ATP7B: variants seen among roughly 807,000 people sequenced by gnomAD.
ATP7B encodes the protein copper-transporting ATPase 2.
Under a neutral mutation model 118.9 loss-of-function variants are expected in ATP7B, and 113 were observed. That is an observed-to-expected ratio of 0.95 (90% CI 0.82 to 1.11). ATP7B has a LOEUF of 1.11. Ranked by LOEUF, ATP7B falls within the 50% of genes most tolerant of loss-of-function variation. The pLI, the probability that ATP7B is intolerant of heterozygous loss-of-function variation, is 0.00. For synonymous variants in ATP7B, 777 were observed against 727.4 expected, an observed-to-expected ratio of 1.07 and a Z score of -1.10; for missense variants, 1,867 against 1,871.4, an observed-to-expected ratio of 1.00 and a Z score of 0.04.
chr13:51,969,496 A>G (rs1387466302), intron 3 of ATP7B, among the ~76,000 whole-genome samples: 1 of 152,158 alleles, frequency 6.6e-6, no homozygotes, highest in Non-Finnish European at 1.5e-5. Context: ...AGAATTTTCA[A>G]AAGTGGTTTT....
Position 51,964,949 on chromosome 13 carries a change from C to A in ATP7B, c.1792G>T (p.Ala598Ser), listed in dbSNP as rs772899995. The change falls in exon 5 of 21, where the codon GCC becomes TCC. Residue 598 changes from alanine to serine, a missense_variant. Coordinates refer to ENST00000242839, the MANE Select transcript of ATP7B (RefSeq NM_000053.4). ...RTNGITYASV[A>S]LATSKALVKF... Reference sequence around the variant, plus strand: ...ACAAGGGCTTTGCTGGTGGCAAGGGCAACGGAGGCATAAGTGATGCCATTT... The same window carrying A: ...ACAAGGGCTTTGCTGGTGGCAAGGGAAACGGAGGCATAAGTGATGCCATTT... 2 of 1,614,126 alleles carry A rather than the reference C, an allele frequency of 1.2e-6. No homozygotes were observed. Among genetic ancestry groups the A allele is most frequent in the Non-Finnish European group, 1.7e-6 (2 of 1,180,026 alleles).
rs564351066 is a variant in ATP7B at position 51,964,403 on chromosome 13, G to A, written c.1869+469C>T. Among the ~76,000 whole-genome samples, 7 of 152,330 alleles carry A rather than the reference G, an allele frequency of 4.6e-5. 1 individual carries two copies. In the South Asian group the frequency reaches 1.4e-3, roughly 32 times the overall value. ...AGGGAGTAAGAGGCAGGGCACGCAT[G>A]AAAATTCTCACGGATTTTCCAAAGC... On this transcript the variant is annotated intron_variant, in intron 5 of 20. Coordinates refer to ENST00000242839, the MANE Select transcript of ATP7B (RefSeq NM_000053.4).
chr13:51,946,128 T>C (rs1197039147), intron 13 of ATP7B, among the ~76,000 whole-genome samples, 156 bp downstream of exon 13: 1 of 152,246 alleles, frequency 6.6e-6, no homozygotes, highest in Admixed American at 6.5e-5. Flanking sequence ...GGCTACTCTG[T>C]TGCTACTGTT....
chr13:51,976,576 T>C (rs1192683025), intron 1 of ATP7B, among the ~76,000 whole-genome samples: 3 of 152,206 alleles, frequency 2.0e-5, no homozygotes, highest in Non-Finnish European at 4.4e-5. Flanking sequence ...TTCTGAGAAA[T>C]GAGTCATCAT....
chr13:51,941,374 C>CA (rs377284993), intron 15 of ATP7B, 150 bp from the exon 16 acceptor site: 37,101 of 606,192 alleles, frequency 0.061, 9 homozygotes, highest in Middle Eastern at 0.067. Context: ...TCCTTTAGGA[C>CA]AAAAAAAAAA....
chr13:52,004,783 C>A (rs755281633), intron 1 of ATP7B, among the ~76,000 whole-genome samples: 67 of 152,298 alleles, frequency 4.4e-4, no homozygotes, highest in Non-Finnish European at 9.3e-4. Flanking sequence ...GATGGTACTG[C>A]CCTAGTGGGG....
intron 4 of ATP7B, among the ~76,000 whole-genome samples, chr13:51,966,234 G>A (rs1049819923): frequency 1.3e-5 from 2 of 152,168 alleles, no homozygotes; most frequent in Admixed American, 6.5e-5. Flanking sequence ...TCTCAAAACC[G>A]CAGTACTGAG....
chr13:51,950,911 A>C (rs929907434), intron 9 of ATP7B, among the ~76,000 whole-genome samples: 4 of 152,152 alleles, frequency 2.6e-5, no homozygotes, highest in East Asian at 1.9e-4. Context: ...AAACAGCAAG[A>C]AAGCAAGCAA....
rs761888673 is a variant in ATP7B, at chr13:51,974,299, G to A, written c.921C>T (p.Ser307=). Residue 307 remains serine (S), a synonymous_variant, in exon 2 of 21, where the codon AGC becomes AGT. Coordinates refer to ENST00000242839, the MANE Select transcript of ATP7B (RefSeq NM_000053.4). ...CGATAGCCCTCTGCAGAGCCACTGG[G>A]CTGGTACAAGAAGGGTCATACTTTA... ...AQVKYDPSCT[S]PVALQRAIEA... is the part of the protein sequence containing the mutation. The A allele has an allele frequency of 1.1e-5, 18 of 1,614,166 alleles. No individual in the cohort carries two copies. Among genetic ancestry groups the A allele is most frequent in the Non-Finnish European group, 1.5e-5 (18 of 1,180,028 alleles).
At chr13:51,991,508 CA>C (rs952337361) in intron 1 of ATP7B, among the ~76,000 whole-genome samples, 2 of 150,332 alleles carry the variant, frequency 1.3e-5, no homozygotes, top group Non-Finnish European at 3.0e-5. Flanking sequence ...AAAAAACAAA[CA>C]AAAAAAAACA....
At chr13:52,002,723 G>C (rs1168131244) in intron 1 of ATP7B, among the ~76,000 whole-genome samples, 1 of 152,046 alleles carries the variant, frequency 6.6e-6, no homozygotes, top group Admixed American at 6.5e-5. Context: ...CCATGGGTTT[G>C]GTTCTAGATC....
chr13:51,954,804 G>C (rs1958232313), intron 9 of ATP7B, among the ~76,000 whole-genome samples: 1 of 152,218 alleles, frequency 6.6e-6, no homozygotes, highest in African/African-American at 2.4e-5. Flanking sequence ...ACTCCAACCA[G>C]CAGGTAGTCT....
At chr13:51,969,470 T>C (rs1405704367) in intron 3 of ATP7B, among the ~76,000 whole-genome samples, 1 of 151,646 alleles carries the variant, frequency 6.6e-6, no homozygotes, top group Non-Finnish European at 1.5e-5. Context: ...GATACTTTCA[T>C]ACAAGGAAAA....
rs2138417975 is a variant in ATP7B, at chr13:51,935,038, C to T, written c.4125-9G>A. 1.2e-6 allele frequency: 2 copies of T among 1,613,722 alleles called. No individual in the cohort carries two copies. Among genetic ancestry groups the T allele is most frequent in the Non-Finnish European group, 1.7e-6 (2 of 1,180,012 alleles). On this transcript the variant is annotated splice_polypyrimidine_tract_variant and intron_variant, in intron 20 of 20. Transcript: ENST00000242839. ...GGTCAGGCTTCTTATAGCTGGAAAG[C>T]AGGAACGCAACAGCATCTGAGCCAT...
At chr13:51,989,954 A>G (rs558466594) in intron 1 of ATP7B, among the ~76,000 whole-genome samples, 3 of 152,318 alleles carry the variant, frequency 2.0e-5, no homozygotes, top group Admixed American at 2.0e-4. Context: ...ATGACACATA[A>G]AACAAATGTA....
chr13:51,954,099 T>C (rs1012260252), intron 9 of ATP7B, among the ~76,000 whole-genome samples: 16 of 152,176 alleles, frequency 1.1e-4, no homozygotes, highest in African/African-American at 3.9e-4. Context: ...CAGGAAAGGC[T>C]TCTGGAGGAT....
intron 1 of ATP7B, among the ~76,000 whole-genome samples, chr13:52,009,513 C>T (rs1207744696): frequency 6.6e-6 from 1 of 152,228 alleles, no homozygotes; most frequent in Non-Finnish European, 1.5e-5. Flanking sequence ...AGAGCCCCCA[C>T]ACTTTCTGTA....
chr13:51,967,940 A>G (rs1418341053), intron 4 of ATP7B, among the ~76,000 whole-genome samples: 1 of 152,222 alleles, frequency 6.6e-6, no homozygotes, highest in African/African-American at 2.4e-5. Context: ...CACTACCTGG[A>G]GCATTCCCCT....
At position 51,964,995 on chromosome 13, in the gene ATP7B, T is replaced by C; in HGVS notation, c.1746A>G (p.Ile582Met). ...CATTTGTCCTCGTGAGTTTGGACTC[T>C]ATGTTGTGGACACAGGACGCGCAGG... ...GMTCASCVHNIESKLTRTNGI... is the reference protein window; with the variant it reads ...GMTCASCVHNMESKLTRTNGI... The change falls in exon 5 of 21, where the codon ATA (isoleucine) becomes ATG (methionine). Residue 582 changes from isoleucine to methionine, a missense_variant. Ile to Met is a conservative substitution (Grantham distance 10, BLOSUM62 1). Transcript: ENST00000242839. The C allele has an allele frequency of 6.2e-7, 1 of 1,614,134 alleles. No homozygotes were observed. Among genetic ancestry groups the C allele is most frequent in the Non-Finnish European group, 8.5e-7 (1 of 1,179,968 alleles).
Sources: gnomAD v4.1 joint callset for allele counts (sites outside exome capture counted in the v4.1 genomes callset) on GRCh38, gnomAD v4.1.1 for gene constraint, MANE v1.5 for transcripts, NCBI Gene and HGNC (gene_info 2026-07-23, HGNC 2026-07-21) for gene names.